The following TMEM184B variants were observed in gnomAD, a reference collection of about 807,000 sequenced individuals.
TMEM184B encodes the protein putative MAPK-activating protein FM08.
Under a neutral mutation model 41.8 loss-of-function variants are expected in TMEM184B, and 17 were observed. The observed-to-expected ratio is 0.41, with a 90% CI of 0.28 to 0.61. The LOEUF (loss-of-function observed/expected upper bound fraction) is 0.61. Among genes scored for constraint, TMEM184B ranks in the 20% least tolerant of loss-of-function variants. TMEM184B has a pLI of 0.34. For synonymous variants in TMEM184B, 240 were observed against 229.5 expected (o/e 1.05, Z -0.41); for missense variants, 393 against 557.8 (o/e 0.70, Z 2.98).
At chr22:38,256,419 G>A (rs1490164749) in intron 1 of TMEM184B, among the ~76,000 whole-genome samples, 1 of 151,890 alleles carries the variant, frequency 6.6e-6, no homozygotes, top group East Asian at 1.9e-4. Flanking sequence ...TCACCTTATT[G>A]GCCAGGCTGG....
chr22:38,255,355 G>T (rs765377987), intron 1 of TMEM184B, among the ~76,000 whole-genome samples: 1 of 150,480 alleles, frequency 6.6e-6, no homozygotes, highest in Non-Finnish European at 1.5e-5. Flanking sequence ...TGTATTTTTA[G>T]TAGTGACGGG....
chr22:38,248,840 C>T (rs545782391), intron 1 of TMEM184B, among the ~76,000 whole-genome samples: 2 of 152,314 alleles, frequency 1.3e-5, no homozygotes, highest in African/African-American at 2.4e-5. Flanking sequence ...AGGCCTCCTC[C>T]GAGGGCCTGT....
rs180990603 is a variant in TMEM184B, at chr22:38,247,412, G to A, written c.192+358C>T. Among the ~76,000 whole-genome samples the A allele has an allele frequency of 1.6e-4, 25 of 152,310 alleles. 1 individual carries two copies. Among genetic ancestry groups the A allele is most frequent in the African/African-American group, 4.6e-4 (19 of 41,578 alleles). On this transcript the variant is annotated intron_variant, in intron 2 of 8. Transcript: ENST00000361906. ...GCGAGGCTTGAAGCCAGAGCCACAC[G>A]TCGGAACCTGCGCTGCACTGGGCCC...
In TMEM184B at chr22:38,234,069, G is replaced by A. The variant is rs190061537; in HGVS notation, c.359-2735C>T. Among the ~76,000 whole-genome samples the A allele has an allele frequency of 6.9e-3, 483 of 70,054 alleles. 3 individuals carry two copies. The highest frequency in any genetic ancestry group is 0.02 in the Middle Eastern group (3 of 148). 46.0% of individuals were successfully genotyped at this position (70,054 alleles called of 152,430 possible). On this transcript the variant is annotated intron_variant, in intron 3 of 8. Transcript: ENST00000361906. ...CAGGCGTGAGCCACCGCGCCCGGCC[G>A]ACGGTTGCATTTTCTAGACTGCCAC...
chr22:38,264,628 T>G (rs923862068), intron 1 of TMEM184B, among the ~76,000 whole-genome samples: 1 of 152,120 alleles, frequency 6.6e-6, no homozygotes, highest in African/African-American at 2.4e-5. Context: ...CATCACCACC[T>G]AAGCATCAAG....
chr22:38,216,441 A>C (rs2091151158), downstream of TMEM184B: 1 of 167,046 alleles, frequency 6.0e-6, no homozygotes, highest in South Asian at 2.1e-4. Flanking sequence ...ACAGCAAGCG[A>C]GTTATCGTCT....
intron 1 of TMEM184B, among the ~76,000 whole-genome samples, chr22:38,262,314 G>C (rs1170531370): frequency 6.6e-6 from 1 of 152,218 alleles, no homozygotes; most frequent in African/African-American, 2.4e-5. Context: ...TGTGTGGCTT[G>C]ATCTGGGCAG....
chr22:38,269,684 G>C lies in TMEM184B; in HGVS notation c.-59+3200C>G, dbSNP rs576063269. Among the ~76,000 whole-genome samples the C allele has an allele frequency of 2.4e-4, 36 of 152,170 alleles. 1 individual carries two copies. In the South Asian group the frequency reaches 7.5e-3, roughly 32 times the overall value. On this transcript the variant is annotated intron_variant, in intron 1 of 8. Transcript: ENST00000361906. ...TGCATGCCAAGCTGGGCAACAGAGC[G>C]AGACTCCATCTCAAAAAACAAAAAA...
At position 38,247,986 on chromosome 22, in the gene TMEM184B, T is replaced by TGAGGGAAACCTTTGCA. The variant is rs1034205143; in HGVS notation, c.-41_-26dup. On this transcript the variant is annotated 5_prime_UTR_variant, in exon 2 of 9. Transcript: ENST00000361906. ...TGGTGCCTGGCAGCAGGAGGCTCCC[T>TGAGGGAAACCTTTGCA]GAGGGAAACCTTTGCAGAAAGTGAC... 6.5e-7 allele frequency: 1 copy of TGAGGGAAACCTTTGCA among 1,545,706 alleles called. No homozygotes were observed. Among genetic ancestry groups the TGAGGGAAACCTTTGCA allele is most frequent in the African/African-American group, 1.4e-5 (1 of 73,660 alleles).
chr22:38,258,687 T>C (rs144140403), intron 1 of TMEM184B, among the ~76,000 whole-genome samples: 42 of 152,218 alleles, frequency 2.8e-4, no homozygotes, highest in African/African-American at 9.2e-4. Flanking sequence ...AGCAAACATA[T>C]AGTACTTTCA....
At chr22:38,259,774 T>G (rs539624531) in intron 1 of TMEM184B, among the ~76,000 whole-genome samples, 2 of 152,258 alleles carry the variant, frequency 1.3e-5, no homozygotes, top group South Asian at 2.1e-4. Context: ...TAATCTATAA[T>G]TTGTGTTTGT....
chr22:38,248,110 C>T (rs1420223228), intron 1 of TMEM184B, 91 bp from the exon 2 acceptor site: 2 of 1,437,518 alleles, frequency 1.4e-6, no homozygotes, highest in East Asian at 2.5e-5. Flanking sequence ...CACCTCCTGA[C>T]CATGTCTGTA....
At chr22:38,270,998 G>T (rs80121018) in intron 1 of TMEM184B, among the ~76,000 whole-genome samples, 2 of 152,152 alleles carry the variant, frequency 1.3e-5, no homozygotes, top group Admixed American at 1.3e-4. Flanking sequence ...CTTCTGCCTC[G>T]AAGCTCTTCT....
intron 5 of TMEM184B, among the ~76,000 whole-genome samples, chr22:38,229,722 C>T (rs1364459525): frequency 1.0e-4 from 7 of 69,704 alleles, no homozygotes; most frequent in Non-Finnish European, 8.4e-5. Flanking sequence ...GAAGCTAGAG[C>T]GGCTGGATTG....
At chr22:38,246,707 A>T in intron 2 of TMEM184B, 1 of 941,084 alleles carries the variant, frequency 1.1e-6, no homozygotes, top group Non-Finnish European at 1.4e-6. Flanking sequence ...CTGTTTAGTT[A>T]GGCAGCTACC....
In TMEM184B at chr22:38,219,852, C is replaced by G. The variant is rs968740928; in HGVS notation, c.*1617G>C. ...AGCTTGGGCCCAACTGCTCCGCCCC[C>G]CCAAGATGGAGGGGGAGAGCTGGCC... On this transcript the variant is annotated 3_prime_UTR_variant, in exon 9 of 9. Coordinates refer to ENST00000361906, the MANE Select transcript of TMEM184B (RefSeq NM_012264.5). 1.7e-5 allele frequency: 17 copies of G among 985,468 alleles called. No individual in the cohort carries two copies. Among genetic ancestry groups the G allele is most frequent in the Middle Eastern group, 5.2e-4 (1 of 1,914 alleles). 61.0% of individuals were successfully genotyped at this position (985,468 alleles called of 1,614,324 possible).
rs2091215548 is a variant in TMEM184B at position 38,219,990 on chromosome 22, G to C, written c.*1479C>G. 10 of 985,488 alleles carry C rather than the reference G, an allele frequency of 1.0e-5. No individual in the cohort carries two copies. The highest frequency in any genetic ancestry group is 1.2e-5 in the Non-Finnish European group (10 of 829,974). The allele number at this position is 985,488 out of a possible 1,614,324, so 61.0% of individuals were successfully genotyped here. A position where few individuals can be genotyped will look rare whatever the true frequency, so the allele number is the denominator to read the frequency against. On this transcript the variant is annotated 3_prime_UTR_variant, in exon 9 of 9. Coordinates refer to ENST00000361906, the MANE Select transcript of TMEM184B (RefSeq NM_012264.5). ...GGAGGGAACCTGTTCATTCCAGGAA[G>C]GACCAAAAGAAAGAATCCCCAGTGA...
chr22:38,222,855 C>G (rs1372101105), intron 8 of TMEM184B: 1 of 235,120 alleles, frequency 4.3e-6, no homozygotes, highest in African/African-American at 2.3e-5. Flanking sequence ...CAGGTGCCTC[C>G]TGGGGCCTGG....
intron 2 of TMEM184B, chr22:38,246,805 C>A (rs2092040479): frequency 1.6e-6 from 2 of 1,277,624 alleles, no homozygotes; most frequent in Admixed American, 2.8e-5. Flanking sequence ...AGCTGCTCTA[C>A]CACAGTCCTC....
Sources: allele counts gnomAD v4.1 joint callset (sites outside exome capture counted in the v4.1 genomes callset), GRCh38; gene constraint gnomAD v4.1.1; transcripts MANE v1.5; gene names NCBI Gene and HGNC (gene_info 2026-07-23, HGNC 2026-07-21).